Variants in NXNL2 observed in about 807,000 individuals in gnomAD.
The protein encoded by NXNL2 is nucleoredoxin like 2.
Under a neutral mutation model 11.1 loss-of-function variants are expected in NXNL2, and 7 were observed. The observed-to-expected ratio is 0.63, with a 90% confidence interval of 0.36 to 1.18. The LOEUF (loss-of-function observed/expected upper bound fraction) is 1.18, where lower values mean the gene tolerates loss of function less well. Ranked by LOEUF, NXNL2 falls within the 50% of genes most tolerant of loss-of-function variation. The pLI, the probability that NXNL2 is intolerant of heterozygous loss-of-function variation, is 0.02. For missense variants in NXNL2, 233 were observed against 217.7 expected (o/e 1.07, Z -0.44); for synonymous variants, 109 against 101.8 (o/e 1.07, Z -0.42).
At chr9:88,550,056 A>G (rs7872789) in intron 1 of NXNL2, among the ~76,000 whole-genome samples, 49,902 of 152,008 alleles carry the variant, frequency 0.33, 14,721 homozygotes, top group East Asian at 0.8. Flanking sequence ...GACCTCAGGT[A>G]ATCTGCCCAC....
chr9:88,537,368 A>G (rs1829648119), intron 1 of NXNL2, among the ~76,000 whole-genome samples: 1 of 152,068 alleles, frequency 6.6e-6, no homozygotes, highest in Non-Finnish European at 1.5e-5. Flanking sequence ...GGGGCCATGG[A>G]GACTGCTCGT....
intron 2 of NXNL2, among the ~76,000 whole-genome samples, chr9:88,574,793 C>T (rs4262391): frequency 0.36 from 54,253 of 151,892 alleles, 14,583 homozygotes; most frequent in East Asian, 0.89. Flanking sequence ...TTTCCAGACT[C>T]GAATGGATTT....
At chr9:88,555,109 G>A (rs1256021354) in intron 1 of NXNL2, among the ~76,000 whole-genome samples, 1 of 152,248 alleles carries the variant, frequency 6.6e-6, no homozygotes, top group African/African-American at 2.4e-5. Flanking sequence ...CTTAGCCCAG[G>A]AGGCCACATG....
At chr9:88,571,929 G>C (rs1830272533) in intron 2 of NXNL2, among the ~76,000 whole-genome samples, 1 of 152,170 alleles carries the variant, frequency 6.6e-6, no homozygotes, top group African/African-American at 2.4e-5. Context: ...AGGGCACGCA[G>C]GGAGGGGGTG....
chr9:88,544,270 C>G, intron 1 of NXNL2, 109 bp from the exon 2 acceptor site: 1 of 910,136 alleles, frequency 1.1e-6, no homozygotes, highest in South Asian at 1.5e-5. Flanking sequence ...GGTGGGGCAC[C>G]TGGTGGCTTC....
chr9:88,580,816 A>G (rs1444772708), intron 1 of NXNL2, among the ~76,000 whole-genome samples: 1 of 152,226 alleles, frequency 6.6e-6, no homozygotes, highest in African/African-American at 2.4e-5. Flanking sequence ...TATTTAAGTC[A>G]TCAAATGTCC....
At chr9:88,579,240 A>G (rs1587858907), downstream of NXNL2, among the ~76,000 whole-genome samples, 1 of 152,040 alleles carries the variant, frequency 6.6e-6, no homozygotes, top group Non-Finnish European at 1.5e-5. Context: ...TCAGCAGGAG[A>G]TGGAACTCAG....
chr9:88,568,889 C>A (rs1248244506), intron 1 of NXNL2, among the ~76,000 whole-genome samples: 1 of 152,072 alleles, frequency 6.6e-6, no homozygotes, highest in African/African-American at 2.4e-5. Flanking sequence ...GCAAGAAGAT[C>A]TGAGATATCT....
chr9:88,562,928 A>G (rs1307681545), intron 1 of NXNL2, among the ~76,000 whole-genome samples: 1 of 151,950 alleles, frequency 6.6e-6, no homozygotes, highest in Non-Finnish European at 1.5e-5. Flanking sequence ...TTTCTACTAA[A>G]AATACAAAAA....
At chr9:88,567,150 T>C (rs552352753) in intron 1 of NXNL2, among the ~76,000 whole-genome samples, 10 of 152,284 alleles carry the variant, frequency 6.6e-5, no homozygotes, top group African/African-American at 2.4e-4. Context: ...TGAATTCTTT[T>C]TTTTCTCTGG....
chr9:88,548,167 C>T (rs1587845144), downstream of NXNL2, among the ~76,000 whole-genome samples: 6 of 148,774 alleles, frequency 4.0e-5, no homozygotes, highest in Admixed American at 1.3e-4. Flanking sequence ...GGTGAAACCC[C>T]GTCTCTACTA....
intron 2 of NXNL2, among the ~76,000 whole-genome samples, chr9:88,571,897 A>G (rs1036184652): frequency 2.0e-5 from 3 of 152,140 alleles, no homozygotes; most frequent in Non-Finnish European, 4.4e-5. Context: ...ACATCTATTC[A>G]GAGAAACATT....
At chr9:88,548,738 A>G (rs1437144840), downstream of NXNL2, among the ~76,000 whole-genome samples, 1 of 150,598 alleles carries the variant, frequency 6.6e-6, no homozygotes, top group East Asian at 2.0e-4. Flanking sequence ...TTGTGTGTGT[A>G]TTTTATTCTA....
At chr9:88,543,986 A>G (rs919540996) in intron 1 of NXNL2, among the ~76,000 whole-genome samples, 1 of 152,202 alleles carries the variant, frequency 6.6e-6, no homozygotes, top group African/African-American at 2.4e-5. Flanking sequence ...TCTGGCCAAC[A>G]TGGTGAAACC....
chr9:88,543,829 G>C (rs568842691), intron 1 of NXNL2, among the ~76,000 whole-genome samples: 1 of 152,364 alleles, frequency 6.6e-6, no homozygotes, highest in South Asian at 2.1e-4. Context: ...CAGATACGGA[G>C]AGTTCACTGC....
At chr9:88,580,138 CA>C (rs989538931), downstream of NXNL2, among the ~76,000 whole-genome samples, 36 of 118,296 alleles carry the variant, frequency 3.0e-4, no homozygotes, top group South Asian at 8.5e-4. Flanking sequence ...GACTCCATCT[CA>C]AAAAAAAAAA....
chr9:88,535,852 G>A, intron 1 of NXNL2, 116 bp downstream of exon 1: 3 of 738,552 alleles, frequency 4.1e-6, no homozygotes, highest in Non-Finnish European at 6.1e-6. Context: ...ACACCTCCCC[G>A]TCTCTCGGTT....
Position 88,544,927 on chromosome 9 carries a change from A to G in NXNL2, c.*380A>G, listed in dbSNP as rs1266914537. On this transcript the variant is annotated 3_prime_UTR_variant, in exon 2 of 2. Transcript: ENST00000375854. ...CTGGCGATCTGTTTATTTTAATGGTATGCTTTCACAACTATCTTAATAAAG... is the reference window on the plus strand; with the variant it reads ...CTGGCGATCTGTTTATTTTAATGGTGTGCTTTCACAACTATCTTAATAAAG... The G allele has an allele frequency of 1.0e-5, 10 of 978,442 alleles. No homozygotes were observed. Among genetic ancestry groups the G allele is most frequent in the Non-Finnish European group, 1.2e-5 (10 of 822,068 alleles). The allele number at this position is 978,442 out of a possible 1,614,324, so 60.6% of individuals were successfully genotyped here.
At chr9:88,567,501 T>C (rs1161773672) in intron 1 of NXNL2, among the ~76,000 whole-genome samples, 1 of 152,234 alleles carries the variant, frequency 6.6e-6, no homozygotes, top group Non-Finnish European at 1.5e-5. Flanking sequence ...TTCTCTACAG[T>C]CCTTGGTTGA....
Sources: gnomAD v4.1 joint callset for allele counts (sites outside exome capture counted in the v4.1 genomes callset) on GRCh38, gnomAD v4.1.1 for gene constraint, MANE v1.5 for transcripts, NCBI Gene and HGNC (gene_info 2026-07-23, HGNC 2026-07-21) for gene names.